The following LOXHD1 variants were observed in gnomAD, a reference collection of about 807,000 sequenced individuals.
The protein encoded by LOXHD1 is lipoxygenase homology PLAT domains 1, also known as lipoxygenase homology domain-containing protein 1.
LOXHD1 carries 205 observed loss-of-function variants against 248.2 expected under a neutral mutation model. The observed-to-expected ratio is 0.83, with a 90% CI of 0.74 to 0.93. LOXHD1 has a LOEUF of 0.93. Among genes scored for constraint, LOXHD1 ranks in the 40% least tolerant of loss-of-function variants. LOXHD1 has a pLI of 0.00. For synonymous variants in LOXHD1, 1,113 were observed against 1,162.8 expected, an observed-to-expected ratio of 0.96 and a Z score of 0.87; for missense variants, 2,930 against 2,971.6, an observed-to-expected ratio of 0.99 and a Z score of 0.33.
At chr18:46,515,044 G>A (rs994888995) in intron 34 of LOXHD1, among the ~76,000 whole-genome samples, 19 of 152,196 alleles carry the variant, frequency 1.2e-4, no homozygotes, top group Non-Finnish European at 2.2e-4. Context: ...TTTCTCTGAA[G>A]TGGCAAGATG....
At chr18:46,588,692 T>C (rs2144208023) in intron 12 of LOXHD1, among the ~76,000 whole-genome samples, 1 of 152,342 alleles carries the variant, frequency 6.6e-6, no homozygotes, top group South Asian at 2.1e-4. Flanking sequence ...GACCTGCCAG[T>C]TCCACCTTCA....
chr18:46,508,839 T>C (rs1412632546), intron 35 of LOXHD1, among the ~76,000 whole-genome samples: 1 of 152,224 alleles, frequency 6.6e-6, no homozygotes, highest in Non-Finnish European at 1.5e-5. Flanking sequence ...CTTGGACTCC[T>C]AACATCACAG....
At chr18:46,576,829 G>A (rs1278106165) in intron 14 of LOXHD1, among the ~76,000 whole-genome samples, 2 of 152,154 alleles carry the variant, frequency 1.3e-5, no homozygotes, top group Non-Finnish European at 2.9e-5. Context: ...GTGTGCCTGT[G>A]TGTGTGCGCC....
In LOXHD1 at chr18:46,505,898, A is replaced by C; in HGVS notation, c.5818T>G (p.Phe1940Val). The C allele has an allele frequency of 6.4e-7, 1 of 1,551,822 alleles. No individual in the cohort carries two copies. The highest frequency in any genetic ancestry group is 8.7e-7 in the Non-Finnish European group (1 of 1,147,020). Residue 1940 changes from phenylalanine (F) to valine (V), a missense_variant, in exon 37 of 41, where the codon TTC (phenylalanine) becomes GTC (valine). Coordinates refer to ENST00000642948, the MANE Select transcript of LOXHD1 (RefSeq NM_001384474.1). ...FERNNTDTFN[F>V]PDMLSLGHLC... ...TGGCCCAAGCTCAGCATGTCAGGGA[A>C]GTTGAATGTGTCCGTGTTGTTCCGC...
rs1186206573 is a variant in LOXHD1, at chr18:46,485,028, G to A, written c.6173C>T (p.Ala2058Val). ...GGCCTCCCCTTCCTACTTCCTAAAG[G>A]CCCGCTGCCTAGAAGAATTTTCCAT... ...FLMENSSRQR[A>V]FRKGTTDTFE... The change falls in exon 39 of 41, where the codon GCC (alanine) becomes GTC (valine). Residue 2058 changes from alanine (A) to valine (V), a missense_variant. Ala to Val is a moderately conservative substitution (Grantham distance 64, BLOSUM62 0). Transcript: ENST00000642948. 1.9e-6 allele frequency: 3 copies of A among 1,550,526 alleles called. No homozygotes were observed. Among genetic ancestry groups the A allele is most frequent in the South Asian group, 1.2e-5 (1 of 83,974 alleles).
intron 19 of LOXHD1, 35 bp downstream of exon 19, chr18:46,560,048 T>TCCCGGCCCC: frequency 1.1e-5 from 13 of 1,226,296 alleles, no homozygotes; most frequent in Non-Finnish European, 1.2e-5. Context: ...GTCTGGCCAC[T>TCCCGGCCCC]CCCTCCCCAC....
At chr18:46,563,350 T>A in intron 17 of LOXHD1, 125 bp from the exon 18 acceptor site, 1 of 936,878 alleles carries the variant, frequency 1.1e-6, no homozygotes, top group Non-Finnish European at 1.5e-6. Flanking sequence ...TTCACTTATC[T>A]AATCCTCTCC....
rs754965013 is a variant in LOXHD1 at position 46,593,691 on chromosome 18, A to G, written c.1340T>C (p.Ile447Thr). ...CCGCCCCTTCTGCCCATAAATCTGG[A>G]TGAAGATGGGAGAGTTGGTACCAGC... The part of the protein sequence containing the change: ...KKAGTNSPIF[I>T]QIYGQKGRTD... Residue 447 changes from isoleucine (I) to threonine (T), a missense_variant, in exon 10 of 41, where the codon ATC becomes ACC. Physicochemically the swap from Ile to Thr is moderately conservative, Grantham distance 89. Transcript: ENST00000642948. 1.3e-6 allele frequency: 2 copies of G among 1,552,256 alleles called. No individual in the cohort carries two copies. Among genetic ancestry groups the G allele is most frequent in the South Asian group, 2.4e-5 (2 of 84,050 alleles).
Position 46,489,118 on chromosome 18 carries a change from C to CCCTGTGGATATT in LOXHD1, c.5902_5903insAATATCCACAGG (p.Ser1968delinsLysTyrProGlnGly). ...GGAGTTGTCCTTCACATCGACATAG[C>CCCTGTGGATATT]TCAGATGCCAGCCAGGAAATATCCC... On this transcript the variant is annotated protein_altering_variant, in exon 38 of 41. Coordinates refer to ENST00000642948, the MANE Select transcript of LOXHD1 (RefSeq NM_001384474.1). 1 of 1,551,700 alleles carries CCCTGTGGATATT rather than the reference C, an allele frequency of 6.4e-7. No individual in the cohort carries two copies.
In LOXHD1 at chr18:46,656,976, C is replaced by T. The variant is rs2039191329; in HGVS notation, c.58G>A (p.Glu20Lys). 3.9e-6 allele frequency: 6 copies of T among 1,551,670 alleles called. No individual in the cohort carries two copies. The highest frequency in any genetic ancestry group is 1.2e-5 in the South Asian group (1 of 84,064). ...GAGGCGTAGTTCAGCAGCTCCGCTT[C>T]GTACAGGGCCAGGAAGTCGATGTCC... ...KKDIDFLALY[E>K]AELLNYASED... Residue 20 changes from glutamate to lysine, a missense_variant, in exon 1 of 41, where the codon GAA (glutamate) becomes AAA (lysine). Transcript: ENST00000642948.
At chr18:46,482,510 A>G (rs2032663211) in intron 40 of LOXHD1, among the ~76,000 whole-genome samples, 2 of 152,220 alleles carry the variant, frequency 1.3e-5, no homozygotes, top group Admixed American at 1.3e-4. Flanking sequence ...GCTGTGAGAA[A>G]TAGCTTTCTG....
intron 11 of LOXHD1, 77 bp downstream of exon 11, chr18:46,592,421 G>T: frequency 8.2e-7 from 1 of 1,222,294 alleles, no homozygotes. Flanking sequence ...GCAAATTTAT[G>T]TGACAGGGTC....
At position 46,560,450 on chromosome 18, in the gene LOXHD1, C is replaced by T. The variant is rs1429229376; in HGVS notation, c.2694G>A (p.Leu898=). The change falls in exon 19 of 41, where the codon CTG becomes CTA. Residue 898 remains leucine (L), a synonymous_variant. Transcript: ENST00000642948. ...CCACCTCCCGCACCACCAGGTGCCGCAGCCACACGGTGTCCACGAACCAGC... is the reference window on the plus strand; with the variant it reads ...CCACCTCCCGCACCACCAGGTGCCGTAGCCACACGGTGTCCACGAACCAGC... ...GPSWFVDTVW[L]RHLVVREVDL... 3 of 1,543,682 alleles carry T rather than the reference C, an allele frequency of 1.9e-6. No individual in the cohort carries two copies. In the South Asian group the frequency reaches 3.6e-5, roughly 18 times the overall value.
At chr18:46,571,090 A>T (rs592735) in intron 15 of LOXHD1, among the ~76,000 whole-genome samples, 1,543 of 152,292 alleles carry the variant, frequency 0.01, 10 homozygotes, top group Non-Finnish European at 0.015. Context: ...TCCTTCCCAG[A>T]TCTTAAATTC....
chr18:46,523,888 T>G (rs917651224), intron 31 of LOXHD1, among the ~76,000 whole-genome samples: 5 of 152,170 alleles, frequency 3.3e-5, no homozygotes, highest in African/African-American at 1.2e-4. Flanking sequence ...GGGGATAGCA[T>G]GGTTGTCACA....
At chr18:46,478,039 T>TGGGGG (rs1281284752) in intron 40 of LOXHD1, 87 bp from the exon 41 acceptor site, 69 of 1,458,704 alleles carry the variant, frequency 4.7e-5, no homozygotes, top group Non-Finnish European at 6.0e-5. Flanking sequence ...CTTGCTCATC[T>TGGGGG]ATAAATGATC....
intron 37 of LOXHD1, among the ~76,000 whole-genome samples, chr18:46,503,235 G>C (rs2034347144): frequency 6.6e-6 from 1 of 152,134 alleles, no homozygotes; most frequent in Non-Finnish European, 1.5e-5. Flanking sequence ...TAGTTCTTGG[G>C]AACATATTTC....
At chr18:46,614,698 C>A (rs1240566429) in intron 5 of LOXHD1, among the ~76,000 whole-genome samples, 1 of 150,158 alleles carries the variant, frequency 6.7e-6, no homozygotes, top group South Asian at 2.1e-4. Context: ...TGCACATGTA[C>A]CCTAGTACTT....
chr18:46,594,347 C>T lies in LOXHD1; in HGVS notation c.1254G>A (p.Arg418=). 1 of 1,551,648 alleles carries T rather than the reference C, an allele frequency of 6.4e-7. No homozygotes were observed. The highest frequency in any genetic ancestry group is 1.2e-5 in the South Asian group (1 of 84,060). Residue 418 remains arginine, a synonymous_variant, in exon 9 of 41, where the codon AGG becomes AGA. Coordinates refer to ENST00000642948, the MANE Select transcript of LOXHD1 (RefSeq NM_001384474.1). The stretch of plus-strand genomic sequence containing the variant: ...CTCACTTACTTTTCAGCCGCTTCTT[C>T]CTGAGAGACACCATCTCATAGAGCT... ...ERQLYEMVSL[R]KKRLKKFPWS...
Sources: allele counts gnomAD v4.1 joint callset (sites outside exome capture counted in the v4.1 genomes callset), GRCh38; gene constraint gnomAD v4.1.1; transcripts MANE v1.5; gene names NCBI Gene and HGNC (gene_info 2026-07-23, HGNC 2026-07-21).